Variants in EGR2 observed in about 807,000 individuals in gnomAD.
EGR2 encodes E3 SUMO-protein ligase EGR2.
EGR2 carries 2 observed loss-of-function variants against 21.2 expected under a neutral mutation model. The observed-to-expected ratio is 0.09, with a 90% CI of 0.04 to 0.30. EGR2 has a LOEUF of 0.30. EGR2 is among the 10% of genes least tolerant of loss of function. The pLI is 1.00. For missense variants in EGR2, 458 were observed against 630.2 expected, an observed-to-expected ratio of 0.73 and a Z score of 2.93; for synonymous variants, 282 against 258.2, an observed-to-expected ratio of 1.09 and a Z score of -0.88.
At chr10:62,816,537 G>C (rs963813836), upstream of EGR2, among the ~76,000 whole-genome samples, 8 of 152,300 alleles carry the variant, frequency 5.3e-5, no homozygotes, top group South Asian at 6.2e-4. Flanking sequence ...GCGACTTCCA[G>C]CTCGCAGGCG....
chr10:62,814,960 T>C lies in EGR2; in HGVS notation c.170-492A>G, dbSNP rs1044181973. Among the ~76,000 whole-genome samples the C allele has an allele frequency of 1.3e-5, 2 of 152,044 alleles. No individual in the cohort carries two copies. Among genetic ancestry groups the C allele is most frequent in the Admixed American group, 6.5e-5 (1 of 15,280 alleles). On this transcript the variant is annotated intron_variant, in intron 1 of 1. Transcript: ENST00000242480. This position sits in a 1 kb window ranked among gnomAD's most constrained non-coding sequence, Gnocchi z 4.8. ...AGGGGGTGGGTGATTTCCCGGCTGC[T>C]CCCCATCCCCGGCGCCTTGTGCCTT...
Position 62,813,774 on chromosome 10 carries a change from G to A in EGR2, c.864C>T (p.Gly288=). The part of the protein sequence containing the change: ...AGVTGPGASG[G]SEGPRLPGSS... ...TACCAGGCAGCCGGGGTCCCTCGCTGCCTCCACTGGCCCCTGGTCCGGTCA... is the reference window on the plus strand; with the variant it reads ...TACCAGGCAGCCGGGGTCCCTCGCTACCTCCACTGGCCCCTGGTCCGGTCA... Residue 288 remains glycine, a synonymous_variant, in exon 2 of 2, where the codon GGC becomes GGT. Transcript: ENST00000242480. This position sits in a 1 kb window ranked among gnomAD's most constrained non-coding sequence, Gnocchi z 5.7. 6.2e-7 allele frequency: 1 copy of A among 1,612,822 alleles called. No homozygotes were observed. Among genetic ancestry groups the A allele is most frequent in the Non-Finnish European group, 8.5e-7 (1 of 1,179,412 alleles).
At position 62,813,255 on chromosome 10, in the gene EGR2, A is replaced by G. The variant is rs1842156935; in HGVS notation, c.1383T>C (p.Leu461=). 1 of 1,567,174 alleles carries G rather than the reference A, an allele frequency of 6.4e-7. No homozygotes were observed. The change falls in exon 2 of 2, where the codon CTT becomes CTC. Residue 461 remains leucine (L), a synonymous_variant. Transcript: ENST00000242480. The surrounding 1 kb of genome is among the most constrained non-coding windows in gnomAD (Gnocchi z 5.7). ...AGCAAGGGGCGAGCGGCCCTCCGCC[A>G]AGACTGCTGCTGTTACTGCTGCACA... ...GTLCSSNSSS[L]GGGPLAPCSS...
At position 62,812,886 on chromosome 10, in the gene EGR2, G is replaced by A. The variant is rs1488456068; in HGVS notation, c.*321C>T. 1.9e-5 allele frequency: 5 copies of A among 258,218 alleles called. No individual in the cohort carries two copies. Among genetic ancestry groups the A allele is most frequent in the Admixed American group, 9.9e-5 (2 of 20,102 alleles). The allele number at this position is 258,218 out of a possible 1,614,324, so 16.0% of individuals were successfully genotyped here. A position where few individuals can be genotyped will look rare whatever the true frequency, so the allele number is the denominator to read the frequency against. ...GATGGGTCAAAATAAGGGGAAGTGG[G>A]GTAGCAAAACCTAGTCAAACAACCC... On this transcript the variant is annotated 3_prime_UTR_variant, in exon 2 of 2. Transcript: ENST00000242480.
At position 62,816,121 on chromosome 10, in the gene EGR2, G is replaced by A. The variant is rs1168825018; in HGVS notation, c.-92C>T. 6.2e-7 allele frequency: 1 copy of A among 1,610,904 alleles called. No individual in the cohort carries two copies. The highest frequency in any genetic ancestry group is 1.3e-5 in the African/African-American group (1 of 74,958). Reference sequence around the variant, plus strand: ...AGAGGGGTTGGACTGAGCCTGGGATGGTATCTCCTTTTGCCCTCCACACTT... The same window carrying A: ...AGAGGGGTTGGACTGAGCCTGGGATAGTATCTCCTTTTGCCCTCCACACTT... On this transcript the variant is annotated 5_prime_UTR_variant, in exon 1 of 2. Coordinates refer to ENST00000242480, the MANE Select transcript of EGR2 (RefSeq NM_000399.5).
In EGR2 at chr10:62,813,895, G is replaced by C; in HGVS notation, c.743C>G (p.Pro248Arg). ...LHGTAGPDRKPFPCPLDTLRV... is the reference protein window; with the variant it reads ...LHGTAGPDRKRFPCPLDTLRV... ...CAGGGTGTCCAGTGGGCAGGGAAAG[G>C]GCTTACGGTCTGGGCCAGCTGTACC... is the stretch of plus-strand genomic sequence containing the variant. Residue 248 changes from proline to arginine, a missense_variant, in exon 2 of 2, where the codon CCC becomes CGC. Physicochemically the swap from Pro to Arg is moderately radical, Grantham distance 103 (BLOSUM62 -2). Coordinates refer to ENST00000242480, the MANE Select transcript of EGR2 (RefSeq NM_000399.5). This position sits in a 1 kb window ranked among gnomAD's most constrained non-coding sequence, Gnocchi z 5.7. The C allele has an allele frequency of 6.2e-7, 1 of 1,614,214 alleles. No homozygotes were observed. The highest frequency in any genetic ancestry group is 8.5e-7 in the Non-Finnish European group (1 of 1,180,040).
Position 62,815,866 on chromosome 10 carries a change from G to C in EGR2, c.164C>G (p.Ala55Gly). 1 of 1,614,014 alleles carries C rather than the reference G, an allele frequency of 6.2e-7. No individual in the cohort carries two copies. The highest frequency in any genetic ancestry group is 8.5e-7 in the Non-Finnish European group (1 of 1,179,896). The change falls in exon 1 of 2, where the codon GCC (alanine) becomes GGC (glycine). Residue 55 changes from alanine to glycine, a missense_variant. This residue lies in a region of EGR2 where 91 missense variants were observed against 105.2 expected (regional missense o/e 0.87). Transcript: ENST00000242480. ...TGCGAAGACACGCGGCTTACCTCCG[G>C]CCACTCCGTTCATCTGGTCAAAGGG... ...GGPFDQMNGV[A>G]GDGMINIDMT... is the part of the protein sequence containing the mutation.
In EGR2 at chr10:62,814,440, T is replaced by G. The variant is rs201770282; in HGVS notation, c.198A>C (p.Gly66=). ...ATGGGAGATCCAACGACCTCTTCTC[T>G]CCAGTCATGTCAATGTTGATCATGC... is the stretch of plus-strand genomic sequence containing the variant. ...GDGMINIDMT[G]EKRSLDLPYP... Residue 66 remains glycine (G), a synonymous_variant, in exon 2 of 2, where the codon GGA becomes GGC. Transcript: ENST00000242480. This position sits in a 1 kb window ranked among gnomAD's most constrained non-coding sequence, Gnocchi z 4.8. The G allele has an allele frequency of 2.3e-5, 37 of 1,614,036 alleles. No homozygotes were observed. The African/African-American group carries it at 4.5e-4, about 20-fold the overall frequency.
chr10:62,816,930 G>T (rs1842285521), upstream of EGR2, among the ~76,000 whole-genome samples: 1 of 152,148 alleles, frequency 6.6e-6, no homozygotes, highest in South Asian at 2.1e-4. Flanking sequence ...CACGGAAGCT[G>T]ACTGCTTTTT....
chr10:62,813,144 A>G lies in EGR2; in HGVS notation c.*63T>C. On this transcript the variant is annotated 3_prime_UTR_variant, in exon 2 of 2. Transcript: ENST00000242480. The surrounding 1 kb of genome is among the most constrained non-coding windows in gnomAD (Gnocchi z 5.7). ...GAAAGGGTGGTAGTGTTTGTTGTGC[A>G]GCTCCAGTGGACAAAGGGCCTCCGG... 1 of 1,488,092 alleles carries G rather than the reference A, an allele frequency of 6.7e-7. No homozygotes were observed. The highest frequency in any genetic ancestry group is 2.2e-5 in the Admixed American group (1 of 44,562). The allele number at this position is 1,488,092 out of a possible 1,614,324, so 92.2% of individuals were successfully genotyped here. A position where few individuals can be genotyped will look rare whatever the true frequency, so the allele number is the denominator to read the frequency against.
upstream of EGR2, chr10:62,818,588 C>G: frequency 7.8e-7 from 1 of 1,278,218 alleles, no homozygotes; most frequent in South Asian, 1.2e-5. Context: ...TCCCGCGGCC[C>G]CCGCGCTGAC....
chr10:62,816,481 G>T, upstream of EGR2: 1 of 684,830 alleles, frequency 1.5e-6, no homozygotes, highest in Non-Finnish European at 1.9e-6. Context: ...CCGTCACATG[G>T]CTGATTTGCA....
chr10:62,816,061 C>T lies in EGR2; in HGVS notation c.-32G>A. On this transcript the variant is annotated 5_prime_UTR_variant, in exon 1 of 2. Transcript: ENST00000242480. ...CTCGCACAACCTGGAGACCCAACTCCCTCGCTACCTGGAGTGTCAGAAAAG... is the reference window on the plus strand; with the variant it reads ...CTCGCACAACCTGGAGACCCAACTCTCTCGCTACCTGGAGTGTCAGAAAAG... The T allele has an allele frequency of 1.2e-6, 2 of 1,614,018 alleles. No individual in the cohort carries two copies. The highest frequency in any genetic ancestry group is 2.2e-5 in the South Asian group (2 of 91,076).
Position 62,813,192 on chromosome 10 carries a change from A to G in EGR2, c.*15T>C. ...CGGGACCTTTGGGAGCTGGTGTATC[A>G]GCCTGAGTCTCATCTCAAGGTGTCC... is the stretch of plus-strand genomic sequence containing the variant. On this transcript the variant is annotated 3_prime_UTR_variant, in exon 2 of 2. Transcript: ENST00000242480. The surrounding 1 kb of genome is among the most constrained non-coding windows in gnomAD (Gnocchi z 5.7). The G allele has an allele frequency of 6.5e-7, 1 of 1,548,740 alleles. No individual in the cohort carries two copies. Among genetic ancestry groups the G allele is most frequent in the Non-Finnish European group, 8.7e-7 (1 of 1,153,678 alleles).
Position 62,813,641 on chromosome 10 carries a change from T to C in EGR2, c.997A>G (p.Thr333Ala). 6.2e-7 allele frequency: 1 copy of C among 1,613,100 alleles called. No homozygotes were observed. The highest frequency in any genetic ancestry group is 8.5e-7 in the Non-Finnish European group (1 of 1,180,006). ...GGGTAGGGCCTCTCGTGCACCGGCG[T>C]CTTGCTGGGTCTGTTGGGGTACTTG... ...PRKYPNRPSK[T>A]PVHERPYPCP... The change falls in exon 2 of 2, where the codon ACG becomes GCG. Residue 333 changes from threonine to alanine, a missense_variant. This residue lies in a region of EGR2 where 253 missense variants were observed against 315.5 expected (regional missense o/e 0.80). Transcript: ENST00000242480. The surrounding 1 kb of genome is among the most constrained non-coding windows in gnomAD (Gnocchi z 5.7).
Position 62,813,345 on chromosome 10 carries a change from G to C in EGR2, c.1293C>G (p.Pro431=). Residue 431 remains proline, a synonymous_variant, in exon 2 of 2, where the codon CCC becomes CCG. Coordinates refer to ENST00000242480, the MANE Select transcript of EGR2 (RefSeq NM_000399.5). The surrounding 1 kb of genome is among the most constrained non-coding windows in gnomAD (Gnocchi z 5.7). ...TAGAGGGGGCTGGCACCGATGCAGA[G>C]GGGGCACTGCTTTTCCGCTCTTTCT... The part of the protein sequence containing the change: ...LRQKERKSSA[P]SASVPAPSTA... 1.3e-6 allele frequency: 2 copies of C among 1,597,624 alleles called. No homozygotes were observed. The highest frequency in any genetic ancestry group is 1.7e-6 in the Non-Finnish European group (2 of 1,169,572).
In EGR2 at chr10:62,814,181, T is replaced by G. The variant is rs202183386; in HGVS notation, c.457A>C (p.Thr153Pro). 1.3e-4 allele frequency: 202 copies of G among 1,613,932 alleles called. No homozygotes were observed. The highest frequency in any genetic ancestry group is 3.3e-4 in the Middle Eastern group (2 of 6,082). Reference protein sequence around the residue: ...PLATGPLGVCTMSQTQPDLDH... With the variant: ...PLATGPLGVCPMSQTQPDLDH... ...AGGTCAGGCTGGGTCTGGGACATGGTGCACACACCCAGGGGTCCTGTGGCC... is the reference window on the plus strand; with the variant it reads ...AGGTCAGGCTGGGTCTGGGACATGGGGCACACACCCAGGGGTCCTGTGGCC... The change falls in exon 2 of 2, where the codon ACC becomes CCC. Residue 153 changes from threonine to proline, a missense_variant. This residue lies in a region of EGR2 where 253 missense variants were observed against 315.5 expected (regional missense o/e 0.80). Transcript: ENST00000242480. This position sits in a 1 kb window ranked among gnomAD's most constrained non-coding sequence, Gnocchi z 4.8.
upstream of EGR2, chr10:62,816,489 G>A (rs1564709675): frequency 3.5e-6 from 2 of 568,472 alleles, no homozygotes; most frequent in Non-Finnish European, 2.3e-6. Context: ...TGGCTGATTT[G>A]CATACACGGG....
In EGR2 at chr10:62,814,606, G is replaced by T; in HGVS notation, c.170-138C>A. The stretch of plus-strand genomic sequence containing the variant: ...GAGCTGTGGCAAAGTCCAAAAGGTG[G>T]GGAAATTGAGGCCCACAGACTGTAA... On this transcript the variant is annotated intron_variant, in intron 1 of 1. Transcript: ENST00000242480. The surrounding 1 kb of genome is among the most constrained non-coding windows in gnomAD (Gnocchi z 4.8). 1.2e-6 allele frequency: 1 copy of T among 836,998 alleles called. No homozygotes were observed. 51.8% of individuals were successfully genotyped at this position (836,998 alleles called of 1,614,324 possible). A position where few individuals can be genotyped will look rare whatever the true frequency, so the allele number is the denominator to read the frequency against.
Sources: gnomAD v4.1 joint callset for allele counts (sites outside exome capture counted in the v4.1 genomes callset) on GRCh38, gnomAD v4.1.1 for gene constraint, gnomAD v4.1.1 regional missense constraint, Gnocchi (gnomAD v3.1) non-coding constraint, MANE v1.5 for transcripts, NCBI Gene and HGNC (gene_info 2026-07-23, HGNC 2026-07-21) for gene names.